EBF1: variants seen among roughly 807,000 people sequenced by gnomAD.
The protein encoded by EBF1 is transcription factor COE1.
EBF1 carries 10 observed loss-of-function variants against 68.4 expected under a neutral mutation model. The observed-to-expected ratio is 0.15, with a 90% confidence interval of 0.09 to 0.25. The LOEUF (loss-of-function observed/expected upper bound fraction) is 0.25. Among genes scored for constraint, EBF1 ranks in the 10% least tolerant of loss-of-function variants. The pLI is 1.00. For synonymous variants in EBF1, 298 were observed against 299.8 expected, an observed-to-expected ratio of 0.99 and a Z score of 0.06; for missense variants, 509 against 794.4, an observed-to-expected ratio of 0.64 and a Z score of 4.32.
chr5:158,871,005 A>C (rs2128059109), intron 6 of EBF1, among the ~76,000 whole-genome samples: 1 of 152,364 alleles, frequency 6.6e-6, no homozygotes, highest in South Asian at 2.1e-4. Context: ...CAAAGCCTGA[A>C]AATTCAGTCA....
At chr5:158,962,863 C>T (rs1208133552) in intron 6 of EBF1, among the ~76,000 whole-genome samples, 1 of 152,158 alleles carries the variant, frequency 6.6e-6, no homozygotes, top group South Asian at 2.1e-4. Flanking sequence ...ACTCAAAAGG[C>T]CCACAATTCT....
chr5:158,917,468 G>A (rs1433822969), intron 6 of EBF1, among the ~76,000 whole-genome samples: 3 of 152,224 alleles, frequency 2.0e-5, no homozygotes, highest in African/African-American at 7.2e-5. Context: ...GAATGGAGCA[G>A]GAGGTCTTTA....
chr5:158,735,743 T>G (rs986248203), intron 10 of EBF1, among the ~76,000 whole-genome samples: 2 of 152,208 alleles, frequency 1.3e-5, no homozygotes, highest in African/African-American at 4.8e-5. Context: ...TGGCTTTATG[T>G]TGGGACTGCT....
At chr5:158,946,933 C>A (rs991078305) in intron 6 of EBF1, among the ~76,000 whole-genome samples, 2 of 152,196 alleles carry the variant, frequency 1.3e-5, no homozygotes, top group Admixed American at 6.5e-5. Flanking sequence ...GGCTCTGTGG[C>A]ACTGCAGTGA....
intron 10 of EBF1, among the ~76,000 whole-genome samples, chr5:158,745,232 C>G (rs1767287682): frequency 6.6e-6 from 1 of 152,114 alleles, no homozygotes; most frequent in Non-Finnish European, 1.5e-5. Context: ...GGTCTCCTGA[C>G]AGAGTGAACA....
At chr5:159,089,309 T>C (rs1230034100) in intron 4 of EBF1, among the ~76,000 whole-genome samples, 1 of 152,188 alleles carries the variant, frequency 6.6e-6, no homozygotes. Context: ...TCATCAATTC[T>C]AAACGCTCAA....
At chr5:158,778,495 A>C (rs1031304440) in intron 9 of EBF1, among the ~76,000 whole-genome samples, 1 of 152,174 alleles carries the variant, frequency 6.6e-6, no homozygotes, top group African/African-American at 2.4e-5. Flanking sequence ...TGGATAATTT[A>C]TACAGTATAC....
At chr5:158,877,136 C>T (rs985177939) in intron 6 of EBF1, among the ~76,000 whole-genome samples, 1 of 151,242 alleles carries the variant, frequency 6.6e-6, no homozygotes, top group African/African-American at 2.5e-5. Context: ...TCAGTTTTCC[C>T]ACAGTTCCAA....
chr5:159,026,392 A>G (rs964930961), intron 6 of EBF1, among the ~76,000 whole-genome samples: 3 of 152,170 alleles, frequency 2.0e-5, no homozygotes, highest in African/African-American at 7.2e-5. Context: ...GTGTAAGAAC[A>G]TTTAAGACTA....
intron 7 of EBF1, among the ~76,000 whole-genome samples, chr5:158,831,649 A>C (rs1787596797): frequency 6.6e-6 from 1 of 151,896 alleles, no homozygotes; most frequent in Non-Finnish European, 1.5e-5. Context: ...AGGAAGTGAC[A>C]AAAAAAGAGG....
rs558846422 is a variant in EBF1 at position 158,787,286 on chromosome 5, T to C, written c.909+9059A>G. 5.3e-5 allele frequency among the ~76,000 whole-genome samples: 8 copies of C among 152,322 alleles called. No individual in the cohort carries two copies. In the East Asian group the frequency reaches 1.5e-3, roughly 29 times the overall value. ...CACAGTAATATAGTTCTGTGTTTGC[T>C]TTTTCGGCTTTCCATTTCTTCCCTA... On this transcript the variant is annotated intron_variant, in intron 9 of 15. Coordinates refer to ENST00000313708, the MANE Select transcript of EBF1 (RefSeq NM_024007.5).
rs976593724 is a variant in EBF1, at chr5:158,840,832, C to T, written c.555-722G>A. 4.7e-5 allele frequency among the ~76,000 whole-genome samples: 7 copies of T among 150,426 alleles called. No homozygotes were observed. The East Asian group carries it at 5.9e-4, about 13-fold the overall frequency. On this transcript the variant is annotated intron_variant, in intron 6 of 15. Coordinates refer to ENST00000313708, the MANE Select transcript of EBF1 (RefSeq NM_024007.5). ...GACTACAGGCGCCCGCCACTACGCC[C>T]GGCTAATTTTTTGTATTTTTAGTAG...
At chr5:158,753,539 A>G (rs576756607) in intron 10 of EBF1, among the ~76,000 whole-genome samples, 6 of 152,238 alleles carry the variant, frequency 3.9e-5, no homozygotes, top group African/African-American at 1.4e-4. Flanking sequence ...AACCCCATGA[A>G]GTGTCTCGAC....
intron 7 of EBF1, among the ~76,000 whole-genome samples, chr5:158,825,597 C>T (rs1458656273): frequency 1.3e-5 from 2 of 151,730 alleles, no homozygotes; most frequent in Non-Finnish European, 2.9e-5. Context: ...GTCATCTAAT[C>T]CTACATTGAA....
intron 6 of EBF1, among the ~76,000 whole-genome samples, chr5:158,938,985 C>T (rs1389848968): frequency 2.0e-5 from 3 of 152,278 alleles, no homozygotes; most frequent in African/African-American, 2.4e-5. Flanking sequence ...CTGAACATAA[C>T]GTGTGCTTAC....
intron 7 of EBF1, among the ~76,000 whole-genome samples, chr5:158,829,725 C>T (rs1787085615): frequency 6.6e-6 from 1 of 152,124 alleles, no homozygotes; most frequent in Admixed American, 6.5e-5. Context: ...CTACATTCTA[C>T]CTGTCAGCTG....
At chr5:158,941,984 G>A (rs1813527142) in intron 6 of EBF1, among the ~76,000 whole-genome samples, 1 of 152,120 alleles carries the variant, frequency 6.6e-6, no homozygotes, top group Non-Finnish European at 1.5e-5. Flanking sequence ...AGTTTTCTGA[G>A]GAAACAAAAG....
chr5:158,833,353 TTC>T (rs1401587918), intron 7 of EBF1, among the ~76,000 whole-genome samples: 2 of 152,140 alleles, frequency 1.3e-5, no homozygotes, highest in Middle Eastern at 3.2e-3. Context: ...CACACTGTTT[TTC>T]TCTCTCATAA....
intron 6 of EBF1, among the ~76,000 whole-genome samples, chr5:158,866,865 A>ATATATATATATGTATATG (rs1562162939): frequency 1.2e-4 from 7 of 58,136 alleles, no homozygotes; most frequent in African/African-American, 3.4e-4. Context: ...ATATATATAT[A>ATATATATATATGTATATG]TATATATATA....
Sources: gnomAD v4.1 joint callset for allele counts (sites outside exome capture counted in the v4.1 genomes callset) on GRCh38, gnomAD v4.1.1 for gene constraint, MANE v1.5 for transcripts, NCBI Gene and HGNC (gene_info 2026-07-23, HGNC 2026-07-21) for gene names.